Variants in CD96 observed in about 807,000 individuals in gnomAD.
CD96 encodes the protein T-cell surface protein tactile.
A neutral mutation model predicts 71.3 loss-of-function variants in CD96; 70 were observed. That is an observed-to-expected ratio of 0.98 (90% CI 0.81 to 1.20). CD96 has a LOEUF of 1.20. CD96 is among the 50% of genes most tolerant of loss of function. CD96 has a pLI of 0.00. For missense variants in CD96, 742 were observed against 677.5 expected, an observed-to-expected ratio of 1.10 and a Z score of -1.06; for synonymous variants, 248 against 233.0, an observed-to-expected ratio of 1.06 and a Z score of -0.59.
intron 7 of CD96, among the ~76,000 whole-genome samples, chr3:111,604,317 C>T (rs1359651134): frequency 2.0e-5 from 3 of 152,112 alleles, no homozygotes; most frequent in African/African-American, 4.8e-5. Flanking sequence ...CCTCTTATGA[C>T]ATTATGGTAA....
chr3:111,556,027 C>G (rs1159078970), intron 2 of CD96, among the ~76,000 whole-genome samples: 1 of 152,298 alleles, frequency 6.6e-6, no homozygotes, highest in Non-Finnish European at 1.5e-5. Flanking sequence ...CTTTCTTCAG[C>G]CATCTCAAAT....
intron 2 of CD96, among the ~76,000 whole-genome samples, 186 bp from the exon 3 acceptor site, chr3:111,567,337 T>C (rs1026751086): frequency 6.6e-6 from 1 of 152,198 alleles, no homozygotes; most frequent in African/African-American, 2.4e-5. Context: ...AATTCTGTGC[T>C]CCTCAGTGAC....
At chr3:111,660,858 A>G (rs2107816939) in intron 14 of CD96, among the ~76,000 whole-genome samples, 1 of 152,358 alleles carries the variant, frequency 6.6e-6, no homozygotes, top group African/African-American at 2.4e-5. Context: ...CACCATATAA[A>G]AAAATTAACT....
intron 8 of CD96, among the ~76,000 whole-genome samples, chr3:111,614,718 C>CGG (rs1938143175): frequency 6.6e-6 from 1 of 152,190 alleles, no homozygotes; most frequent in Admixed American, 6.5e-5. Flanking sequence ...CCCTGTCTCT[C>CGG]TTCTCCATGC....
In CD96 at chr3:111,638,076, T is replaced by C. The variant is rs1160183857; in HGVS notation, c.1388-3T>C. On this transcript the variant is annotated splice_polypyrimidine_tract_variant and splice_region_variant and intron_variant, in intron 11 of 13. Coordinates refer to ENST00000352690, the MANE Select transcript of CD96 (RefSeq NM_005816.5). ...TGTCCAGATATCCCCTTTATATCCC[T>C]AGACAATGTCTTTACCAGCACAGCC... 1.9e-6 allele frequency: 3 copies of C among 1,572,352 alleles called. No individual in the cohort carries two copies. Among genetic ancestry groups the C allele is most frequent in the East Asian group, 4.5e-5 (2 of 44,662 alleles).
At chr3:111,592,556 A>T (rs1311947561) in intron 5 of CD96, among the ~76,000 whole-genome samples, 11 of 151,586 alleles carry the variant, frequency 7.3e-5, no homozygotes, top group Non-Finnish European at 1.5e-4. Context: ...TTCATGATAA[A>T]TTTTCCCTAG....
chr3:111,647,326 T>C (rs1185975352), intron 12 of CD96, among the ~76,000 whole-genome samples: 1 of 152,260 alleles, frequency 6.6e-6, no homozygotes, highest in East Asian at 1.9e-4. Flanking sequence ...ATATGTATGC[T>C]TATATATATC....
intron 2 of CD96, 128 bp downstream of exon 2, chr3:111,545,530 C>A: frequency 1.4e-6 from 1 of 719,352 alleles, no homozygotes. Flanking sequence ...GAGCTACTGT[C>A]TGATAAGAGA....
intron 8 of CD96, among the ~76,000 whole-genome samples, chr3:111,609,112 G>A (rs958397628): frequency 6.6e-6 from 1 of 152,118 alleles, no homozygotes; most frequent in African/African-American, 2.4e-5. Context: ...TGGAGAGCTC[G>A]AAAGAACGTT....
intron 3 of CD96, among the ~76,000 whole-genome samples, chr3:111,574,560 T>C (rs544137342): frequency 6.6e-6 from 1 of 152,288 alleles, no homozygotes; most frequent in South Asian, 2.1e-4. Flanking sequence ...GTCAAGTATT[T>C]AAGGGACATA....
chr3:111,597,956 G>T (rs1937332070), intron 5 of CD96, among the ~76,000 whole-genome samples, 164 bp from the exon 6 acceptor site: 1 of 152,194 alleles, frequency 6.6e-6, no homozygotes, highest in Admixed American at 6.5e-5. Flanking sequence ...CATTTATAGT[G>T]CACGTTCTAA....
intron 2 of CD96, among the ~76,000 whole-genome samples, chr3:111,554,666 C>T (rs1324666125): frequency 6.6e-6 from 1 of 151,980 alleles, no homozygotes; most frequent in African/African-American, 2.4e-5. Context: ...GCAGCAGTAC[C>T]CAACTTTTTG....
chr3:111,585,251 C>T, intron 4 of CD96, 72 bp from the exon 5 acceptor site: 1 of 815,404 alleles, frequency 1.2e-6, no homozygotes, highest in South Asian at 1.4e-5. Flanking sequence ...TAGACACACA[C>T]ACACATACAC....
intron 2 of CD96, among the ~76,000 whole-genome samples, chr3:111,561,288 C>A: frequency 2.0e-5 from 3 of 150,304 alleles, no homozygotes; most frequent in Middle Eastern, 6.9e-3. Context: ...AGGCGCTCTG[C>A]GTTTTAGAGT....
intron 2 of CD96, among the ~76,000 whole-genome samples, chr3:111,551,722 A>G (rs1934715787): frequency 6.6e-6 from 1 of 152,004 alleles, no homozygotes; most frequent in Admixed American, 6.6e-5. Flanking sequence ...TCACCCCACC[A>G]CACCCTCCGA....
chr3:111,550,117 T>A (rs1934619462), intron 2 of CD96, among the ~76,000 whole-genome samples: 1 of 152,086 alleles, frequency 6.6e-6, no homozygotes, highest in African/African-American at 2.4e-5. Context: ...GTGAATTGGG[T>A]CACAAAAACC....
intron 8 of CD96, among the ~76,000 whole-genome samples, chr3:111,611,090 G>A (rs528246231): frequency 3.3e-5 from 5 of 152,098 alleles, no homozygotes; most frequent in Admixed American, 6.5e-5. Flanking sequence ...GCCTCCTATT[G>A]TTATGTCTGC....
At chr3:111,613,176 C>T (rs1938043480) in intron 8 of CD96, among the ~76,000 whole-genome samples, 1 of 152,178 alleles carries the variant, frequency 6.6e-6, no homozygotes, top group Non-Finnish European at 1.5e-5. Context: ...TATTCAGTTA[C>T]TCCCCTTGGG....
chr3:111,647,126 C>G (rs1179507676), intron 12 of CD96, among the ~76,000 whole-genome samples: 1 of 146,198 alleles, frequency 6.8e-6, no homozygotes, highest in Non-Finnish European at 1.5e-5. Flanking sequence ...CTGTCAGGCA[C>G]TGTTGATTAC....
Sources: allele counts gnomAD v4.1 joint callset (sites outside exome capture counted in the v4.1 genomes callset), GRCh38; gene constraint gnomAD v4.1.1; transcripts MANE v1.5; gene names NCBI Gene and HGNC (gene_info 2026-07-23, HGNC 2026-07-21).